Variants in CFAP20DC observed in about 807,000 individuals in gnomAD.
CFAP20DC encodes the protein protein CFAP20DC.
Under a neutral mutation model 101.7 loss-of-function variants are expected in CFAP20DC, and 84 were observed. That is an observed-to-expected ratio of 0.83 (90% CI 0.69 to 0.99). CFAP20DC has a LOEUF of 0.99. Ranked by LOEUF, CFAP20DC falls within the 50% of genes least tolerant of loss-of-function variation. CFAP20DC has a pLI of 0.00. For missense variants in CFAP20DC, 1,007 were observed against 970.3 expected, an observed-to-expected ratio of 1.04 and a Z score of -0.50; for synonymous variants, 359 against 351.2, an observed-to-expected ratio of 1.02 and a Z score of -0.25.
chr3:58,735,880 C>A (rs2067742333), intron 3 of CFAP20DC, among the ~76,000 whole-genome samples: 1 of 152,098 alleles, frequency 6.6e-6, no homozygotes, highest in Non-Finnish European at 1.5e-5. Context: ...CTGACCACAG[C>A]CGATTATAAC....
intron 4 of CFAP20DC, among the ~76,000 whole-genome samples, chr3:59,023,650 A>G (rs1157536360): frequency 6.6e-6 from 1 of 152,132 alleles, no homozygotes; most frequent in Non-Finnish European, 1.5e-5. Flanking sequence ...GGGCAACTGG[A>G]TAAAGCAGCT....
At chr3:58,823,648 G>A (rs1249060356) in intron 14 of CFAP20DC, among the ~76,000 whole-genome samples, 1 of 152,006 alleles carries the variant, frequency 6.6e-6, no homozygotes, top group Admixed American at 6.6e-5. Context: ...GGCAGTCTGA[G>A]TCCACAGCTT....
At chr3:58,772,791 A>T (rs1340763833) in intron 15 of CFAP20DC, among the ~76,000 whole-genome samples, 1 of 152,198 alleles carries the variant, frequency 6.6e-6, no homozygotes, top group Non-Finnish European at 1.5e-5. Context: ...CAAATCCAAA[A>T]AATTTAAAAA....
intron 5 of CFAP20DC, among the ~76,000 whole-genome samples, chr3:58,936,255 A>G (rs1231598660): frequency 5.9e-5 from 9 of 152,172 alleles, no homozygotes; most frequent in African/African-American, 2.2e-4. Flanking sequence ...AATGGCAATC[A>G]TTAAAAAGTC....
At chr3:58,857,533 C>T (rs148499779) in intron 12 of CFAP20DC, among the ~76,000 whole-genome samples, 62 of 152,276 alleles carry the variant, frequency 4.1e-4, no homozygotes, top group Admixed American at 7.2e-4. Context: ...CTCCTGGTTG[C>T]ACTGCATTTC....
intron 15 of CFAP20DC, among the ~76,000 whole-genome samples, chr3:58,780,879 A>G (rs151193414): frequency 3.8e-4 from 58 of 152,134 alleles, no homozygotes; most frequent in Non-Finnish European, 6.9e-4. Context: ...CAGATCATCT[A>G]GACAGAAAAT....
intron 4 of CFAP20DC, among the ~76,000 whole-genome samples, chr3:58,991,988 G>A (rs1396596697): frequency 6.6e-6 from 1 of 152,186 alleles, no homozygotes. Context: ...TAAACACATA[G>A]TAAGCAAACT....
At chr3:58,898,349 A>G (rs2082847407) in intron 6 of CFAP20DC, among the ~76,000 whole-genome samples, 1 of 151,908 alleles carries the variant, frequency 6.6e-6, no homozygotes, top group South Asian at 2.1e-4. Context: ...TAATTTTTGT[A>G]TTTTTAGTAG....
At chr3:58,941,327 C>CA (rs752324535) in intron 4 of CFAP20DC, among the ~76,000 whole-genome samples, 4,322 of 19,272 alleles carry the variant, frequency 0.22, 1,055 homozygotes, top group Non-Finnish European at 0.3. Context: ...GACTCCGTCT[C>CA]AAAAAAAAAA....
At chr3:59,028,556 T>C (rs2093932563) in intron 4 of CFAP20DC, among the ~76,000 whole-genome samples, 1 of 152,194 alleles carries the variant, frequency 6.6e-6, no homozygotes, top group African/African-American at 2.4e-5. Flanking sequence ...CATATATGTA[T>C]AGTCAAATAG....
At chr3:58,919,549 A>T (rs1314428533) in intron 5 of CFAP20DC, among the ~76,000 whole-genome samples, 2 of 152,216 alleles carry the variant, frequency 1.3e-5, no homozygotes, top group African/African-American at 4.8e-5. Context: ...CAGCCTGCTG[A>T]GATTTCAACT....
chr3:58,815,630 A>T lies in CFAP20DC; in HGVS notation c.2176-9174T>A, dbSNP rs2075057440. Among the ~76,000 whole-genome samples, 2 of 151,650 alleles carry T rather than the reference A, an allele frequency of 1.3e-5. 1 individual carries two copies. Among genetic ancestry groups the T allele is most frequent in the South Asian group, 4.2e-4 (2 of 4,814 alleles). On this transcript the variant is annotated intron_variant, in intron 14 of 16. Coordinates refer to ENST00000482387, the MANE Select transcript of CFAP20DC (RefSeq NM_001394063.1). ...CTCATCTGACAAAGGGCTAATATCC[A>T]GAATCTACAATGAACTCAAACAAAT...
chr3:58,906,358 T>C (rs530029699), intron 6 of CFAP20DC, among the ~76,000 whole-genome samples: 2 of 152,208 alleles, frequency 1.3e-5, no homozygotes, highest in African/African-American at 4.8e-5. Flanking sequence ...TGAACTCTTG[T>C]ATTAACTTTT....
At chr3:58,974,579 G>A in intron 4 of CFAP20DC, among the ~76,000 whole-genome samples, 1 of 152,086 alleles carries the variant, frequency 6.6e-6, no homozygotes, top group South Asian at 2.1e-4. Flanking sequence ...TATGTGTTCA[G>A]AGCTAGGGAA....
intron 7 of CFAP20DC, among the ~76,000 whole-genome samples, chr3:58,883,720 C>T (rs2081389687): frequency 6.6e-6 from 1 of 152,136 alleles, no homozygotes; most frequent in Non-Finnish European, 1.5e-5. Context: ...GACATGACTT[C>T]TATGGGATAA....
chr3:58,936,392 A>G (rs1481082592), intron 5 of CFAP20DC, among the ~76,000 whole-genome samples: 1 of 152,228 alleles, frequency 6.6e-6, no homozygotes, highest in African/African-American at 2.4e-5. Flanking sequence ...TAGAACTAGA[A>G]ATACCATTTG....
intron 5 of CFAP20DC, among the ~76,000 whole-genome samples, chr3:58,919,602 A>G (rs774631979): frequency 6.6e-6 from 1 of 152,226 alleles, no homozygotes; most frequent in Non-Finnish European, 1.5e-5. Flanking sequence ...GAGCACTGGC[A>G]TCTTAACAAA....
intron 3 of CFAP20DC, 126 bp from the exon 4 acceptor site, chr3:59,039,755 T>C (rs2094165544): frequency 1.9e-6 from 1 of 526,314 alleles, no homozygotes; most frequent in Non-Finnish European, 3.3e-6. Flanking sequence ...GAACTGCAAA[T>C]AGCACTACCT....
chr3:58,982,009 A>C (rs1222075006), intron 4 of CFAP20DC, among the ~76,000 whole-genome samples: 7 of 152,300 alleles, frequency 4.6e-5, no homozygotes, highest in African/African-American at 9.6e-5. Flanking sequence ...ACAAATTTAC[A>C]AGAAAAAAAC....
Sources: allele counts gnomAD v4.1 joint callset (sites outside exome capture counted in the v4.1 genomes callset), GRCh38; gene constraint gnomAD v4.1.1; transcripts MANE v1.5; gene names NCBI Gene and HGNC (gene_info 2026-07-23, HGNC 2026-07-21).